ZNF729: variants seen among roughly 807,000 people sequenced by gnomAD.
ZNF729 encodes the protein zinc finger protein 729.
In ZNF729, 15 loss-of-function variants were observed where a neutral mutation model predicts 12.2. The observed-to-expected ratio is 1.23, with a 90% CI of 0.82 to 1.89. The LOEUF (loss-of-function observed/expected upper bound fraction) is 1.89. Ranked by LOEUF, ZNF729 falls within the 40% of genes most tolerant of loss-of-function variation. The probability of loss-of-function intolerance (pLI) is 0.00; values close to 1 mark genes in which losing one functional copy is unlikely to be tolerated. For missense variants in ZNF729, 1,540 were observed against 1,456.7 expected (o/e 1.06, Z -0.93); for synonymous variants, 492 against 476.3 (o/e 1.03, Z -0.43).
Position 22,291,024 on chromosome 19 carries a change from T to C in ZNF729, c.30+4469T>C, listed in dbSNP as rs536611012. Among the ~76,000 whole-genome samples, 10 of 152,272 alleles carry C rather than the reference T, an allele frequency of 6.6e-5. No homozygotes were observed. In the South Asian group the frequency reaches 2.1e-3, roughly 32 times the overall value. On this transcript the variant is annotated intron_variant, in intron 1 of 3. Coordinates refer to ENST00000601693, the MANE Select transcript of ZNF729 (RefSeq NM_001242680.2). ...CAGATGGGTCTATGGGGTTTGTGACTGGCATCTGCAGTAAGAACAATGTTG... is the reference window on the plus strand; with the variant it reads ...CAGATGGGTCTATGGGGTTTGTGACCGGCATCTGCAGTAAGAACAATGTTG...
chr19:22,303,821 A>G lies in ZNF729; in HGVS notation c.94A>G (p.Thr32Ala), dbSNP rs1390150602. ...TCTGGAGGAGTGGCAATGCCTGGAC[A>G]CGGTTCAGCAGAATTTATATAGGGA... ...FSLEEWQCLD[T>A]VQQNLYRDVM... Residue 32 changes from threonine (T) to alanine (A), a missense_variant, in exon 2 of 4, where the codon ACG becomes GCG. Thr to Ala is a moderately conservative substitution (Grantham distance 58, BLOSUM62 0). Transcript: ENST00000601693. 1.9e-6 allele frequency: 3 copies of G among 1,576,778 alleles called. No homozygotes were observed. The highest frequency in any genetic ancestry group is 2.7e-5 in the African/African-American group (2 of 74,084).
At position 22,316,868 on chromosome 19, in the gene ZNF729, A is replaced by G. The variant is rs766722823; in HGVS notation, c.3451A>G (p.Lys1151Glu). The change falls in exon 4 of 4, where the codon AAG (lysine) becomes GAG (glutamate). Residue 1151 changes from lysine (K) to glutamate (E), a missense_variant. Coordinates refer to ENST00000601693, the MANE Select transcript of ZNF729 (RefSeq NM_001242680.2). ...FSQSSILTKH[K>E]IIHSVEKPYK... is the part of the protein sequence containing the mutation. ...TCAGTCCTCAATCCTTACTAAACAT[A>G]AGATAATTCATTCTGTAGAGAAACC... 3.8e-5 allele frequency: 61 copies of G among 1,612,860 alleles called. No homozygotes were observed. The Middle Eastern group carries it at 2.1e-3, about 57-fold the overall frequency.
rs1968480770 is a variant in ZNF729 at position 22,313,786 on chromosome 19, A to C, written c.369A>C (p.Arg123Ser). 6.3e-7 allele frequency: 1 copy of C among 1,596,804 alleles called. No individual in the cohort carries two copies. Among genetic ancestry groups the C allele is most frequent in the African/African-American group, 1.3e-5 (1 of 74,676 alleles). ...GTGGACATAAGAATTTACGATTAAG[A>C]AAAGATTGTAAAAGTGCCAATGAGG... is the stretch of plus-strand genomic sequence containing the variant. Reference protein sequence around the residue: ...ARCGHKNLRLRKDCKSANEGK... With the variant: ...ARCGHKNLRLSKDCKSANEGK... Residue 123 changes from arginine (R) to serine (S), a missense_variant, in exon 4 of 4, where the codon AGA (arginine) becomes AGC (serine). By Grantham distance (110) the Arg-to-Ser change is moderately radical. Transcript: ENST00000601693.
At chr19:22,312,472 G>GTGTGTT (rs1190106335) in intron 3 of ZNF729, among the ~76,000 whole-genome samples, 3 of 131,834 alleles carry the variant, frequency 2.3e-5, no homozygotes, top group Non-Finnish European at 5.1e-5. Context: ...GTGTGTGTGT[G>GTGTGTT]TGTGTTTAGA....
chr19:22,294,554 G>A (rs1243497545), intron 1 of ZNF729, among the ~76,000 whole-genome samples: 1 of 151,146 alleles, frequency 6.6e-6, no homozygotes, highest in South Asian at 2.1e-4. Context: ...CTTTTTTTGG[G>A]CATTATGGCC....
intron 1 of ZNF729, among the ~76,000 whole-genome samples, chr19:22,294,004 G>A (rs1257415149): frequency 6.6e-6 from 1 of 152,064 alleles, no homozygotes; most frequent in Non-Finnish European, 1.5e-5. Flanking sequence ...TGTTGCTGTT[G>A]CCATTACTTT....
chr19:22,315,166 T>G lies in ZNF729; in HGVS notation c.1749T>G (p.His583Gln), dbSNP rs555633190. The change falls in exon 4 of 4, where the codon CAT becomes CAG. Residue 583 changes from histidine (H) to glutamine (Q), a missense_variant. His to Gln is a conservative substitution (Grantham distance 24). Coordinates refer to ENST00000601693, the MANE Select transcript of ZNF729 (RefSeq NM_001242680.2). ...KCEECGKAFK[H>Q]FSALRKHKVI... The stretch of plus-strand genomic sequence containing the variant: ...AAGAATGTGGCAAAGCTTTTAAGCA[T>G]TTCTCAGCCCTCAGAAAACATAAGG... 107 of 1,611,064 alleles carry G rather than the reference T, an allele frequency of 6.6e-5. No individual in the cohort carries two copies. Among genetic ancestry groups the G allele is most frequent in the Non-Finnish European group, 8.1e-5 (96 of 1,179,468 alleles).
chr19:22,295,653 G>A (rs1418430778), intron 1 of ZNF729, among the ~76,000 whole-genome samples: 1 of 152,082 alleles, frequency 6.6e-6, no homozygotes, highest in African/African-American at 2.4e-5. Flanking sequence ...GCCCGTCTCG[G>A]CCTCCCAAAG....
chr19:22,316,801 G>T lies in ZNF729; in HGVS notation c.3384G>T (p.Gly1128=), dbSNP rs878965955. 6.2e-7 allele frequency: 1 copy of T among 1,611,500 alleles called. No individual in the cohort carries two copies. The highest frequency in any genetic ancestry group is 8.5e-7 in the Non-Finnish European group (1 of 1,179,474). The change falls in exon 4 of 4, where the codon GGG becomes GGT. Residue 1128 remains glycine, a synonymous_variant. Transcript: ENST00000601693. ...CGAAACATAAGATAATTCATACTGG[G>T]GAGAAACCCTACAAATGTGAAGAAT... is the stretch of plus-strand genomic sequence containing the variant. ...TLTKHKIIHT[G]EKPYKCEECG...
intron 1 of ZNF729, among the ~76,000 whole-genome samples, chr19:22,286,758 A>G (rs1002665979): frequency 6.6e-6 from 1 of 152,092 alleles, no homozygotes; most frequent in South Asian, 2.1e-4. Context: ...TGTCTCCTCC[A>G]TGCGCTGTGA....
At position 22,315,198 on chromosome 19, in the gene ZNF729, A is replaced by G. The variant is rs1374903910; in HGVS notation, c.1781A>G (p.His594Arg). Residue 594 changes from histidine (H) to arginine (R), a missense_variant, in exon 4 of 4, where the codon CAT (histidine) becomes CGT (arginine). Coordinates refer to ENST00000601693, the MANE Select transcript of ZNF729 (RefSeq NM_001242680.2). ...FSALRKHKVI[H>R]TREKLYKCEE... ...GCCCTCAGAAAACATAAGGTAATTC[A>G]TACTAGGGAGAAATTGTACAAATGT... The G allele has an allele frequency of 1.9e-6, 3 of 1,611,916 alleles. No individual in the cohort carries two copies. Among genetic ancestry groups the G allele is most frequent in the Non-Finnish European group, 2.5e-6 (3 of 1,179,442 alleles).
chr19:22,292,566 T>C (rs944692226), intron 1 of ZNF729, among the ~76,000 whole-genome samples: 6 of 151,992 alleles, frequency 3.9e-5, no homozygotes, highest in African/African-American at 1.4e-4. Context: ...AGCCCCCAAG[T>C]AGCTGGGACT....
intron 1 of ZNF729, among the ~76,000 whole-genome samples, chr19:22,294,657 CTTTTTTTT>C (rs71180535): frequency 1.1e-5 from 1 of 92,440 alleles, no homozygotes; most frequent in Non-Finnish European, 2.3e-5. Flanking sequence ...TTTTCTTTTT[CTTTTTTTT>C]TTTTTTTTTG....
intron 1 of ZNF729, among the ~76,000 whole-genome samples, chr19:22,288,938 C>G (rs959258458): frequency 1.1e-4 from 16 of 152,104 alleles, no homozygotes; most frequent in African/African-American, 3.4e-4. Flanking sequence ...ATCTGGGGCA[C>G]TCACTGGGGC....
intron 1 of ZNF729, among the ~76,000 whole-genome samples, chr19:22,291,050 T>C (rs138805730): frequency 2.0e-5 from 3 of 152,118 alleles, no homozygotes; most frequent in Admixed American, 2.0e-4. Context: ...AACAATGTTG[T>C]GAGACTGAGC....
Position 22,314,731 on chromosome 19 carries a change from C to A in ZNF729, c.1314C>A (p.Gly438=). Reference sequence around the variant, plus strand: ...AACCCTACAAATGTGAAGAATGTGGCAAAGCTTTTAACAGTTCCTCAACCC... The same window carrying A: ...AACCCTACAAATGTGAAGAATGTGGAAAAGCTTTTAACAGTTCCTCAACCC... The part of the protein sequence containing the change: ...GKKPYKCEEC[G]KAFNSSSTLM... The change falls in exon 4 of 4, where the codon GGC becomes GGA. Residue 438 remains glycine, a synonymous_variant. Transcript: ENST00000601693. The A allele has an allele frequency of 1.9e-6, 3 of 1,612,250 alleles. No homozygotes were observed. Among genetic ancestry groups the A allele is most frequent in the Non-Finnish European group, 2.5e-6 (3 of 1,179,652 alleles).
At position 22,313,759 on chromosome 19, in the gene ZNF729, A is replaced by G. The variant is rs770492380; in HGVS notation, c.342A>G (p.Arg114=). 5 of 1,597,464 alleles carry G rather than the reference A, an allele frequency of 3.1e-6. No homozygotes were observed. The African/African-American group carries it at 5.4e-5, about 17-fold the overall frequency. The change falls in exon 4 of 4, where the codon AGA becomes AGG. Residue 114 remains arginine, a synonymous_variant. Coordinates refer to ENST00000601693, the MANE Select transcript of ZNF729 (RefSeq NM_001242680.2). ...AAGTAATACTGAGAACATATGCAAG[A>G]TGTGGACATAAGAATTTACGATTAA... is the stretch of plus-strand genomic sequence containing the variant. ...FQEVILRTYA[R]CGHKNLRLRK... is the part of the protein sequence containing the mutation.
Position 22,286,447 on chromosome 19 carries a change from C to G in ZNF729, c.-79C>G, listed in dbSNP as rs1293603928. The G allele has an allele frequency of 1.1e-5, 17 of 1,572,716 alleles. No homozygotes were observed. The Admixed American group carries it at 2.3e-4, about 21-fold the overall frequency. On this transcript the variant is annotated 5_prime_UTR_variant, in exon 1 of 4. Coordinates refer to ENST00000601693, the MANE Select transcript of ZNF729 (RefSeq NM_001242680.2). Reference sequence around the variant, plus strand: ...GTTGTTTCTGGTTGCAGCCGCAGTTCCCGGTCTCGCCTTCACTGCTGTGTG... The same window carrying G: ...GTTGTTTCTGGTTGCAGCCGCAGTTGCCGGTCTCGCCTTCACTGCTGTGTG...
rs570291460 is a variant in ZNF729 at position 22,289,541 on chromosome 19, C to T, written c.30+2986C>T. 8.5e-5 allele frequency among the ~76,000 whole-genome samples: 13 copies of T among 152,184 alleles called. No homozygotes were observed. In the East Asian group the frequency reaches 1.9e-3, roughly 23 times the overall value. ...CGCCCGGCAAAAATTTGTATTTACC[C>T]TTTTCTCAGAATGAGTTTAGGAATT... On this transcript the variant is annotated intron_variant, in intron 1 of 3. Transcript: ENST00000601693.
Sources: allele counts gnomAD v4.1 joint callset (sites outside exome capture counted in the v4.1 genomes callset), GRCh38; gene constraint gnomAD v4.1.1; transcripts MANE v1.5; gene names NCBI Gene and HGNC (gene_info 2026-07-23, HGNC 2026-07-21).